Variants in TG observed in about 807,000 individuals in gnomAD.
The protein encoded by TG is thyroid hormones.
TG carries 270 observed loss-of-function variants against 324.7 expected under a neutral mutation model. The ratio of observed to expected loss-of-function variants is 0.83; its 90% confidence interval spans 0.75 to 0.92. The LOEUF (loss-of-function observed/expected upper bound fraction) is 0.92. TG is among the 40% of genes least tolerant of loss of function. The pLI, the probability that TG is intolerant of heterozygous loss-of-function variation, is 0.00. For missense variants in TG, 3,591 were observed against 3,456.4 expected (o/e 1.04, Z -0.98); for synonymous variants, 1,401 against 1,327.0 (o/e 1.06, Z -1.21).
At chr8:132,965,987 G>T (rs1185391961) in intron 29 of TG, among the ~76,000 whole-genome samples, 2 of 152,204 alleles carry the variant, frequency 1.3e-5, no homozygotes, top group Non-Finnish European at 1.5e-5. Flanking sequence ...CAGAGTCAGG[G>T]AATGGTTGAG....
At chr8:132,914,571 C>T (rs1436215843) in intron 20 of TG, among the ~76,000 whole-genome samples, 2 of 152,206 alleles carry the variant, frequency 1.3e-5, no homozygotes, top group Non-Finnish European at 2.9e-5. Context: ...CTCACAATAG[C>T]CCCTGGTGGC....
chr8:132,999,243 G>A lies in TG; in HGVS notation c.6263-12658G>A, dbSNP rs376344734. Reference sequence around the variant, plus strand: ...CCAAGATGGTGCAGAGAGGACAGGCGGGCTGGCATTCTGCTTTTTGATTGG... The same window carrying A: ...CCAAGATGGTGCAGAGAGGACAGGCAGGCTGGCATTCTGCTTTTTGATTGG... On this transcript the variant is annotated intron_variant, in intron 35 of 47. Transcript: ENST00000220616. 2.4e-4 allele frequency among the ~76,000 whole-genome samples: 36 copies of A among 152,156 alleles called. 1 individual carries two copies. Among genetic ancestry groups the A allele is most frequent in the African/African-American group, 7.2e-4 (30 of 41,490 alleles).
rs60047584 is a variant in TG, at chr8:132,962,857, G to T, written c.5468-137G>T. 1.4e-3 allele frequency: 1,127 copies of T among 786,454 alleles called. 11 individuals are homozygous for T. The African/African-American group carries it at 0.017, about 12-fold the overall frequency. The allele number at this position is 786,454 out of a possible 1,614,324, so 48.7% of individuals were successfully genotyped here. ...AAAAAAGAGTGCAGATCCATGTCAG[G>T]GCATCTGTTGCAGATCTTCTCTAAG... On this transcript the variant is annotated intron_variant, in intron 28 of 47. Coordinates refer to ENST00000220616, the MANE Select transcript of TG (RefSeq NM_003235.5).
intron 27 of TG, among the ~76,000 whole-genome samples, chr8:132,959,113 G>A (rs946388697): frequency 2.0e-5 from 3 of 152,168 alleles, no homozygotes; most frequent in Non-Finnish European, 2.9e-5. Flanking sequence ...TCCCATTTCA[G>A]AAGTAAAATC....
intron 41 of TG, chr8:133,040,475 A>G: frequency 3.7e-6 from 1 of 273,462 alleles, no homozygotes. Context: ...CTGCAGAATG[A>G]AAGAAATGAA....
At position 133,063,217 on chromosome 8, in the gene TG, C is replaced by T. The variant is rs558597844; in HGVS notation, c.7240-31827C>T. Among the ~76,000 whole-genome samples the T allele has an allele frequency of 2.6e-5, 4 of 152,120 alleles. No individual in the cohort carries two copies. The East Asian group carries it at 7.7e-4, about 29-fold the overall frequency. On this transcript the variant is annotated intron_variant, in intron 41 of 47. Transcript: ENST00000220616. The stretch of plus-strand genomic sequence containing the variant: ...GTCATTCAACACCTAGTGATTGTGC[C>T]CAGAACCCCGCCCCCATAAGTTCCA...
chr8:133,055,343 C>T (rs1210601048), intron 41 of TG, among the ~76,000 whole-genome samples: 2 of 147,868 alleles, frequency 1.4e-5, no homozygotes, highest in South Asian at 2.1e-4. Flanking sequence ...GTGTCATCTT[C>T]AGGACACACA....
intron 27 of TG, 111 bp downstream of exon 27, chr8:132,949,054 G>GAA (rs34207784): frequency 2.3e-3 from 1,639 of 709,614 alleles, no homozygotes; most frequent in South Asian, 3.0e-3. Flanking sequence ...TTATACTTCT[G>GAA]AAAAAAAAAA....
intron 22 of TG, among the ~76,000 whole-genome samples, chr8:132,924,828 C>G (rs547367891): frequency 2.5e-4 from 38 of 152,304 alleles, no homozygotes; most frequent in African/African-American, 9.1e-4. Context: ...CATTACCTAC[C>G]AGCGGTAGTA....
At chr8:133,016,811 A>C (rs1215514755) in intron 37 of TG, among the ~76,000 whole-genome samples, 1 of 152,218 alleles carries the variant, frequency 6.6e-6, no homozygotes, top group Admixed American at 6.5e-5. Context: ...GGCCCAACAA[A>C]AGTTTACCAG....
At chr8:133,011,815 C>A in intron 35 of TG, 86 bp from the exon 36 acceptor site, 1 of 1,592,024 alleles carries the variant, frequency 6.3e-7, no homozygotes, top group East Asian at 2.2e-5. Context: ...CTAAGGCTGC[C>A]TTTGGGGATA....
chr8:133,089,217 C>A (rs1436358470), intron 41 of TG, among the ~76,000 whole-genome samples: 1 of 152,246 alleles, frequency 6.6e-6, no homozygotes, highest in Non-Finnish European at 1.5e-5. Flanking sequence ...GCCGAGCCAC[C>A]ATCCTGACAT....
At chr8:132,893,429 T>A (rs1816613083) in intron 10 of TG, among the ~76,000 whole-genome samples, 1 of 130,648 alleles carries the variant, frequency 7.7e-6, no homozygotes, top group African/African-American at 2.9e-5. Flanking sequence ...TGTGTATGTG[T>A]GTGGTGTGTG....
chr8:133,133,801 G>T lies in TG; in HGVS notation c.8188+141G>T, dbSNP rs548291527. 5 of 990,750 alleles carry T rather than the reference G, an allele frequency of 5.0e-6. No homozygotes were observed. The South Asian group carries it at 5.6e-5, about 11-fold the overall frequency. 61.4% of individuals were successfully genotyped at this position (990,750 alleles called of 1,614,324 possible). ...ATGGCACAGCCCCTTCCTGTGAGTT[G>T]TTCATGGTCTGGGGAGCTCCATGTT... is the stretch of plus-strand genomic sequence containing the variant. On this transcript the variant is annotated intron_variant, in intron 47 of 47. Transcript: ENST00000220616.
At chr8:132,903,119 G>A (rs1305772811) in intron 16 of TG, among the ~76,000 whole-genome samples, 2 of 152,138 alleles carry the variant, frequency 1.3e-5, no homozygotes, top group Non-Finnish European at 2.9e-5. Context: ...GAAGACAGGA[G>A]GAAGGCTCCA....
At chr8:132,994,125 G>A (rs1235659599) in intron 35 of TG, among the ~76,000 whole-genome samples, 1 of 152,056 alleles carries the variant, frequency 6.6e-6, no homozygotes, top group Non-Finnish European at 1.5e-5. Context: ...TCCCAAGGCA[G>A]GACACTGTGA....
chr8:132,969,967 G>A (rs548371620), intron 32 of TG, among the ~76,000 whole-genome samples: 2 of 150,368 alleles, frequency 1.3e-5, no homozygotes, highest in South Asian at 2.1e-4. Flanking sequence ...AGCTAAGGGG[G>A]TAAAAGATAA....
At chr8:133,064,445 G>A (rs1361031692) in intron 41 of TG, among the ~76,000 whole-genome samples, 1 of 152,182 alleles carries the variant, frequency 6.6e-6, no homozygotes, top group Non-Finnish European at 1.5e-5. Context: ...ATTCCCAAGG[G>A]CAGATACTCT....
intron 35 of TG, among the ~76,000 whole-genome samples, chr8:133,009,217 A>T (rs1232428810): frequency 6.6e-6 from 1 of 152,248 alleles, no homozygotes; most frequent in African/African-American, 2.4e-5. Context: ...ACCCTTTCAT[A>T]GAACTTCTCT....
Sources: allele counts gnomAD v4.1 joint callset (sites outside exome capture counted in the v4.1 genomes callset), GRCh38; gene constraint gnomAD v4.1.1; transcripts MANE v1.5; gene names NCBI Gene and HGNC (gene_info 2026-07-23, HGNC 2026-07-21).